The following BID variants were observed in gnomAD, a reference collection of about 807,000 sequenced individuals.
BID encodes the protein BH3-interacting domain death agonist.
A neutral mutation model predicts 17.4 loss-of-function variants in BID; 19 were observed. The observed-to-expected ratio is 1.09, with a 90% CI of 0.76 to 1.60. BID has a LOEUF of 1.60. Among genes scored for constraint, BID ranks in the 40% most tolerant of loss-of-function variants. The pLI is 0.00. For missense variants in BID, 226 were observed against 256.0 expected (o/e 0.88, Z 0.80); for synonymous variants, 108 against 102.8 (o/e 1.05, Z -0.31).
chr22:17,739,601 G>T, intron 3 of BID, 113 bp from the exon 4 acceptor site: 3 of 1,375,150 alleles, frequency 2.2e-6, no homozygotes, highest in Non-Finnish European at 3.0e-6. Context: ...GACAAGGCCA[G>T]CCCCCACTGG....
Position 17,739,549 on chromosome 22 carries a change from TC to T in BID, c.224-62del. On this transcript the variant is annotated intron_variant, in intron 3 of 5. Coordinates refer to ENST00000622694, the MANE Select transcript of BID (RefSeq NM_001196.4). Reference sequence around the variant, plus strand: ...CTCAGAAAATGTCCCTGATACCCTCTCCCACACCACCCTGCCCCGGGAAAGG... The same window carrying T: ...CTCAGAAAATGTCCCTGATACCCTCTCCACACCACCCTGCCCCGGGAAAGG... The T allele has an allele frequency of 4.5e-6, 7 of 1,562,064 alleles. No individual in the cohort carries two copies. The Middle Eastern group carries it at 6.8e-4, about 152-fold the overall frequency.
intron 1 of BID, among the ~76,000 whole-genome samples, chr22:17,764,671 A>G (rs56155386): frequency 0.02 from 3,039 of 152,250 alleles, 45 homozygotes; most frequent in Admixed American, 0.03. Flanking sequence ...AGCTGTCCCT[A>G]TGAGGAAGGA....
chr22:17,739,004 A>T (rs376472429), intron 4 of BID, among the ~76,000 whole-genome samples: 9 of 151,988 alleles, frequency 5.9e-5, no homozygotes, highest in African/African-American at 1.9e-4. Context: ...AGCAGGCACC[A>T]CTCCCAGGGC....
At chr22:17,749,357 A>G (rs1200333775) in intron 2 of BID, among the ~76,000 whole-genome samples, 46 of 152,334 alleles carry the variant, frequency 3.0e-4, no homozygotes, top group Admixed American at 3.0e-3. Flanking sequence ...TTTTATCTTT[A>G]TAAAGACGGG....
intron 1 of BID, among the ~76,000 whole-genome samples, chr22:17,759,418 G>A (rs1490533848): frequency 6.6e-6 from 1 of 151,316 alleles, no homozygotes; most frequent in African/African-American, 2.4e-5. Flanking sequence ...AAATTAGCCG[G>A]GCGTGCACCT....
At chr22:17,774,475 G>T, upstream of BID, 1 of 280,418 alleles carries the variant, frequency 3.6e-6, no homozygotes, top group South Asian at 2.9e-5. Context: ...TCCTTATGGC[G>T]CCCCGCGCGC....
At chr22:17,735,726 G>A (rs143779875) in intron 5 of BID, 135 bp from the exon 6 acceptor site, 4 of 1,079,930 alleles carry the variant, frequency 3.7e-6, no homozygotes, top group South Asian at 1.4e-5. Context: ...AGTCCTATCC[G>A]TGCATCCTAC....
Position 17,773,963 on chromosome 22 carries a change from T to C in BID, c.-59+418A>G. 1.9e-6 allele frequency: 1 copy of C among 523,324 alleles called. No individual in the cohort carries two copies. Among genetic ancestry groups the C allele is most frequent in the Non-Finnish European group, 3.4e-6 (1 of 292,378 alleles). The allele number at this position is 523,324 out of a possible 1,614,324, so 32.4% of individuals were successfully genotyped here. A position where few individuals can be genotyped will look rare whatever the true frequency, so the allele number is the denominator to read the frequency against. On this transcript the variant is annotated intron_variant, in intron 1 of 5. Coordinates refer to ENST00000622694, the MANE Select transcript of BID (RefSeq NM_001196.4). The surrounding 1 kb of genome is among the most constrained non-coding windows in gnomAD (Gnocchi z 4.4). ...GGAAAGACCACGGTGTGGGCGGGGA[T>C]TCCGATCCGCCGGCAAGGGTGGCCT...
intron 2 of BID, among the ~76,000 whole-genome samples, chr22:17,748,924 A>T (rs1601849832): frequency 6.6e-6 from 1 of 152,206 alleles, no homozygotes; most frequent in East Asian, 1.9e-4. Flanking sequence ...GAGCTCCTGC[A>T]ATCTCCTCTG....
chr22:17,739,246 G>A (rs2061440621), intron 4 of BID, 103 bp downstream of exon 4: 7 of 1,388,078 alleles, frequency 5.0e-6, no homozygotes, highest in Admixed American at 5.3e-5. Context: ...TGACAGTCAC[G>A]AGTTGAGTGG....
chr22:17,745,988 A>AAAAT (rs58945027), intron 2 of BID, among the ~76,000 whole-genome samples: 3,442 of 152,086 alleles, frequency 0.023, 120 homozygotes, highest in African/African-American at 0.078. Context: ...ACAAACAACA[A>AAAAT]AAATAAATAA....
chr22:17,739,200 A>G (rs181389), intron 4 of BID, 149 bp downstream of exon 4: 658,517 of 1,009,648 alleles, frequency 0.65, 217,526 homozygotes, highest in East Asian at 0.85. Context: ...AATGAACCAT[A>G]CCCTACGTCC....
intron 2 of BID, 42 bp downstream of exon 2, chr22:17,750,063 C>A: frequency 6.3e-7 from 1 of 1,598,982 alleles, no homozygotes; most frequent in African/African-American, 1.3e-5. Flanking sequence ...ACCCCTCGAC[C>A]CCGCCCCCCA....
At chr22:17,736,089 T>C (rs534402490) in intron 5 of BID, among the ~76,000 whole-genome samples, 9 of 152,342 alleles carry the variant, frequency 5.9e-5, no homozygotes, top group South Asian at 2.1e-4. Flanking sequence ...TGTTTTCTTA[T>C]GAGTTCTCAG....
At chr22:17,756,432 CTTCTTTCTTTCTTTCT>C (rs1555906073) in intron 1 of BID, among the ~76,000 whole-genome samples, 6 of 69,286 alleles carry the variant, frequency 8.7e-5, no homozygotes, top group Non-Finnish European at 1.6e-4. Flanking sequence ...TTCTTTCTTT[CTTCTTTCTTTCTTTCT>C]TTCTTTCTTT....
chr22:17,739,434 A>G lies in BID; in HGVS notation c.278T>C (p.Val93Ala). The G allele has an allele frequency of 1.9e-6, 3 of 1,612,490 alleles. No homozygotes were observed. The highest frequency in any genetic ancestry group is 2.5e-6 in the Non-Finnish European group (3 of 1,179,856). Residue 93 changes from valine (V) to alanine (A), a missense_variant, in exon 4 of 6, where the codon GTC (valine) becomes GCC (alanine). Transcript: ENST00000622694. Reference sequence around the variant, plus strand: ...GATGCTACGGTCCATGCTGTCCCCGACCTGGGCGAGGTGCCTGGCAATATT... The same window carrying G: ...GATGCTACGGTCCATGCTGTCCCCGGCCTGGGCGAGGTGCCTGGCAATATT... ...IRNIARHLAQ[V>A]GDSMDRSIPP...
intron 1 of BID, among the ~76,000 whole-genome samples, chr22:17,755,936 C>T (rs1031462558): frequency 2.0e-5 from 3 of 152,110 alleles, no homozygotes; most frequent in Non-Finnish European, 2.9e-5. Context: ...GGCACGATCT[C>T]GGCTCACTGC....
chr22:17,740,205 G>T, intron 3 of BID: 1 of 1,596,996 alleles, frequency 6.3e-7, no homozygotes. Flanking sequence ...CCTAAGGGCT[G>T]TGATTTTTTT....
At chr22:17,761,404 A>G (rs1280190937) in intron 1 of BID, among the ~76,000 whole-genome samples, 1 of 151,416 alleles carries the variant, frequency 6.6e-6, no homozygotes, top group African/African-American at 2.4e-5. Context: ...GGTGCATTAC[A>G]CAGAAAGGAA....
Sources: gnomAD v4.1 joint callset for allele counts (sites outside exome capture counted in the v4.1 genomes callset) on GRCh38, gnomAD v4.1.1 for gene constraint, Gnocchi (gnomAD v3.1) non-coding constraint, MANE v1.5 for transcripts, NCBI Gene and HGNC (gene_info 2026-07-23, HGNC 2026-07-21) for gene names.